NTN1: variants seen among roughly 807,000 people sequenced by gnomAD.
NTN1 encodes the protein netrin-1.
In NTN1, 11 loss-of-function variants were observed where a neutral mutation model predicts 54.2. The ratio of observed to expected loss-of-function variants is 0.20; its 90% confidence interval spans 0.13 to 0.34. The LOEUF (loss-of-function observed/expected upper bound fraction) is 0.34. Ranked by LOEUF, NTN1 falls within the 10% of genes least tolerant of loss-of-function variation. NTN1 has a pLI of 1.00. For missense variants in NTN1, 740 were observed against 893.1 expected, an observed-to-expected ratio of 0.83 and a Z score of 2.18; for synonymous variants, 371 against 382.0, an observed-to-expected ratio of 0.97 and a Z score of 0.33.
chr17:9,018,254 C>CCTAA (rs566560518), upstream of NTN1, among the ~76,000 whole-genome samples: 5 of 152,262 alleles, frequency 3.3e-5, no homozygotes, highest in South Asian at 1.0e-3. Context: ...AGACCCCTGG[C>CCTAA]CTAAGCTCAG....
chr17:9,191,582 A>G (rs1904458846), intron 5 of NTN1, among the ~76,000 whole-genome samples: 1 of 152,214 alleles, frequency 6.6e-6, no homozygotes, highest in Non-Finnish European at 1.5e-5. Context: ...CCTCAATAAT[A>G]AAGAACTTTT....
chr17:9,222,901 TGA>T (rs1161454557), intron 6 of NTN1, among the ~76,000 whole-genome samples: 1 of 152,178 alleles, frequency 6.6e-6, no homozygotes, highest in Non-Finnish European at 1.5e-5. Context: ...TGTGTGTATG[TGA>T]GAGAGTTCAT....
In NTN1 at chr17:9,243,177, C is replaced by G. The variant is rs1004401648; in HGVS notation, c.*3209C>G. ...CCGGGATTCACCTGCTGGCTGTGGTCTCTGCCCACTGCTTCTGTCCTTGGA... is the reference window on the plus strand; with the variant it reads ...CCGGGATTCACCTGCTGGCTGTGGTGTCTGCCCACTGCTTCTGTCCTTGGA... On this transcript the variant is annotated 3_prime_UTR_variant, in exon 7 of 7. Coordinates refer to ENST00000173229, the MANE Select transcript of NTN1 (RefSeq NM_004822.3). 2 of 152,186 alleles carry G rather than the reference C, an allele frequency of 1.3e-5. No homozygotes were observed. The highest frequency in any genetic ancestry group is 2.9e-5 in the Non-Finnish European group (2 of 68,062). 9.4% of individuals were successfully genotyped at this position (152,186 alleles called of 1,614,324 possible).
At chr17:9,218,873 T>C (rs187122780) in intron 5 of NTN1, among the ~76,000 whole-genome samples, 1 of 150,850 alleles carries the variant, frequency 6.6e-6, no homozygotes, top group Admixed American at 6.6e-5. Flanking sequence ...GATTTCCTCC[T>C]GATTGGAAAT....
chr17:9,117,483 C>T (rs112224073), intron 2 of NTN1, among the ~76,000 whole-genome samples: 6 of 152,132 alleles, frequency 3.9e-5, no homozygotes, highest in African/African-American at 1.4e-4. Flanking sequence ...GGGCCGGGTG[C>T]GGTGGCTCAC....
Position 9,207,263 on chromosome 17 carries a change from G to A in NTN1, c.1412-13905G>A, listed in dbSNP as rs536560371. Among the ~76,000 whole-genome samples, 5 of 152,320 alleles carry A rather than the reference G, an allele frequency of 3.3e-5. No homozygotes were observed. In the South Asian group the frequency reaches 1.0e-3, roughly 32 times the overall value. On this transcript the variant is annotated intron_variant, in intron 5 of 6. Transcript: ENST00000173229. ...AACCACATCCGCTACAGATGGAGTT[G>A]CTTTTCAGAACAGCCAGAGGTCAGC...
intron 2 of NTN1, among the ~76,000 whole-genome samples, chr17:9,025,412 AC>A (rs774229176): frequency 1.3e-5 from 2 of 152,202 alleles, no homozygotes; most frequent in Non-Finnish European, 2.9e-5. Flanking sequence ...GTAATTAGTA[AC>A]CGTTTTTGTT....
At chr17:9,057,249 C>G (rs1442893991) in intron 2 of NTN1, among the ~76,000 whole-genome samples, 3 of 151,914 alleles carry the variant, frequency 2.0e-5, no homozygotes, top group Non-Finnish European at 2.9e-5. Context: ...CAAGAGAGGC[C>G]TGGGACCAAC....
upstream of NTN1, among the ~76,000 whole-genome samples, chr17:9,017,724 G>T (rs1272487682): frequency 6.6e-6 from 1 of 152,160 alleles, no homozygotes; most frequent in Non-Finnish European, 1.5e-5. Flanking sequence ...TTTGCTCTGT[G>T]GATCCCGCTG....
intron 2 of NTN1, among the ~76,000 whole-genome samples, chr17:9,131,129 C>T (rs1162853445): frequency 6.6e-6 from 1 of 152,222 alleles, no homozygotes; most frequent in Non-Finnish European, 1.5e-5. Context: ...GCTACTCCTC[C>T]CTGTGTCTAC....
chr17:9,230,796 A>G (rs561639520), intron 6 of NTN1, among the ~76,000 whole-genome samples: 6 of 151,968 alleles, frequency 3.9e-5, no homozygotes, highest in Admixed American at 1.3e-4. Flanking sequence ...TCTGGCCCTC[A>G]TCTGCTCCTT....
intron 5 of NTN1, among the ~76,000 whole-genome samples, chr17:9,195,388 T>A (rs1467857596): frequency 6.6e-6 from 1 of 152,194 alleles, no homozygotes; most frequent in East Asian, 1.9e-4. Context: ...TATTTAGCCC[T>A]TCTTGGGAGC....
intron 6 of NTN1, among the ~76,000 whole-genome samples, chr17:9,226,062 C>T (rs1485940952): frequency 6.6e-6 from 1 of 151,748 alleles, no homozygotes; most frequent in Non-Finnish European, 1.5e-5. Context: ...GCTCGGGGCG[C>T]CGGCCCTGTC....
In NTN1 at chr17:9,184,574, C is replaced by T. The variant is rs192074527; in HGVS notation, c.1411+1605C>T. 2.0e-3 allele frequency among the ~76,000 whole-genome samples: 300 copies of T among 152,296 alleles called. 1 individual carries two copies. Among genetic ancestry groups the T allele is most frequent in the African/African-American group, 6.4e-3 (266 of 41,564 alleles). ...CAAGATTTTAAGGCTGTGCACACCG[C>T]GGGGGGCTGAGGCTTCCGAGCAGGG... On this transcript the variant is annotated intron_variant, in intron 5 of 6. Transcript: ENST00000173229.
intron 5 of NTN1, among the ~76,000 whole-genome samples, chr17:9,188,496 A>G (rs1225996176): frequency 1.4e-5 from 2 of 143,064 alleles, no homozygotes; most frequent in African/African-American, 2.6e-5. Flanking sequence ...AAAACAAAAA[A>G]GTCAAGTGCT....
intron 2 of NTN1, among the ~76,000 whole-genome samples, chr17:9,157,258 T>TG (rs1396276672): frequency 2.0e-5 from 3 of 152,244 alleles, no homozygotes; most frequent in Admixed American, 6.5e-5. Context: ...CTCCATTAGA[T>TG]GGGGAACCCA....
chr17:9,164,601 C>T (rs2092368676), intron 3 of NTN1, among the ~76,000 whole-genome samples: 1 of 152,164 alleles, frequency 6.6e-6, no homozygotes, highest in Admixed American at 6.5e-5. Context: ...TTATGTGGAA[C>T]ACTTTTCTCA....
intron 5 of NTN1, among the ~76,000 whole-genome samples, chr17:9,209,686 C>T (rs531475920): frequency 3.3e-5 from 5 of 152,306 alleles, no homozygotes; most frequent in South Asian, 2.1e-4. Context: ...CTCTGACCAG[C>T]GAAGCCCCGA....
intron 2 of NTN1, among the ~76,000 whole-genome samples, chr17:9,127,841 G>A (rs1207725755): frequency 6.6e-6 from 1 of 152,130 alleles, no homozygotes; most frequent in Non-Finnish European, 1.5e-5. Context: ...GGTTGGTCGG[G>A]CACAGTGATG....
Sources: gnomAD v4.1 joint callset for allele counts (sites outside exome capture counted in the v4.1 genomes callset) on GRCh38, gnomAD v4.1.1 for gene constraint, MANE v1.5 for transcripts, NCBI Gene and HGNC (gene_info 2026-07-23, HGNC 2026-07-21) for gene names.